The following ZNHIT6 variants were observed in gnomAD, a reference collection of about 807,000 sequenced individuals.
ZNHIT6 encodes box C/D snoRNA protein 1.
A neutral mutation model predicts 57.2 loss-of-function variants in ZNHIT6; 45 were observed. That is an observed-to-expected ratio of 0.79 (90% CI 0.62 to 1.01). The LOEUF is 1.01. Ranked by LOEUF, ZNHIT6 falls within the 50% of genes least tolerant of loss-of-function variation. The pLI is 0.00. For synonymous variants in ZNHIT6, 188 were observed against 190.0 expected, an observed-to-expected ratio of 0.99 and a Z score of 0.09; for missense variants, 528 against 567.3, an observed-to-expected ratio of 0.93 and a Z score of 0.70.
intron 6 of ZNHIT6, among the ~76,000 whole-genome samples, chr1:85,680,597 A>G (rs760622442): frequency 6.6e-6 from 1 of 152,118 alleles, no homozygotes. Context: ...TTTTTCCCCC[A>G]TATTTACAAT....
chr1:85,703,816 C>G (rs1160712157), intron 4 of ZNHIT6, among the ~76,000 whole-genome samples: 2 of 152,210 alleles, frequency 1.3e-5, no homozygotes, highest in South Asian at 4.1e-4. Flanking sequence ...CCATTCACCA[C>G]AAGACACTAT....
intron 5 of ZNHIT6, among the ~76,000 whole-genome samples, chr1:85,686,450 C>T (rs1487508805): frequency 2.0e-5 from 3 of 151,976 alleles, no homozygotes; most frequent in Non-Finnish European, 4.4e-5. Flanking sequence ...AGAAATGTGC[C>T]ACAACTAAGA....
In ZNHIT6 at chr1:85,651,839, T is replaced by TATTC. The variant is rs1660919817; in HGVS notation, c.*2218_*2219insGAAT. 1 of 152,182 alleles carries TATTC rather than the reference T, an allele frequency of 6.6e-6. No homozygotes were observed. The highest frequency in any genetic ancestry group is 1.5e-5 in the Non-Finnish European group (1 of 68,028). 9.4% of individuals were successfully genotyped at this position (152,182 alleles called of 1,614,324 possible). On this transcript the variant is annotated 3_prime_UTR_variant, in exon 10 of 10. Transcript: ENST00000370574. ...TCAATGCTACAAACATCTAGGGTTT[T>TATTC]CAGTTAGTTATTCCAATTTCATTCT...
At chr1:85,676,438 C>T (rs982946353) in intron 8 of ZNHIT6, among the ~76,000 whole-genome samples, 3 of 152,006 alleles carry the variant, frequency 2.0e-5, no homozygotes, top group South Asian at 2.1e-4. Context: ...TTTGCAATCA[C>T]GACTTGACTA....
At chr1:85,702,732 G>C (rs1662572104) in intron 4 of ZNHIT6, among the ~76,000 whole-genome samples, 2 of 152,144 alleles carry the variant, frequency 1.3e-5, no homozygotes. Context: ...AAGAGCCAAG[G>C]CATTGCCTAG....
At chr1:85,694,218 C>T (rs965860527) in intron 5 of ZNHIT6, among the ~76,000 whole-genome samples, 1 of 152,104 alleles carries the variant, frequency 6.6e-6, no homozygotes, top group Non-Finnish European at 1.5e-5. Context: ...CATTTCATTA[C>T]GTGTAAATTT....
At chr1:85,679,865 G>T (rs1423761467) in intron 6 of ZNHIT6, among the ~76,000 whole-genome samples, 1 of 152,206 alleles carries the variant, frequency 6.6e-6, no homozygotes, top group African/African-American at 2.4e-5. Context: ...GATTATAGGT[G>T]TGAGCCGCTG....
At chr1:85,664,807 A>T (rs1190502234) in intron 8 of ZNHIT6, among the ~76,000 whole-genome samples, 1 of 151,850 alleles carries the variant, frequency 6.6e-6, no homozygotes, top group Non-Finnish European at 1.5e-5. Context: ...GTAGATCCTC[A>T]GTAAATATTC....
intron 4 of ZNHIT6, among the ~76,000 whole-genome samples, chr1:85,705,190 T>TA (rs1662648782): frequency 6.6e-6 from 1 of 152,198 alleles, no homozygotes; most frequent in Non-Finnish European, 1.5e-5. Context: ...CATTTGCACT[T>TA]AGAATTAGAA....
In ZNHIT6 at chr1:85,650,934, A is replaced by G. The variant is rs1216105463; in HGVS notation, c.*3124T>C. 2 of 152,194 alleles carry G rather than the reference A, an allele frequency of 1.3e-5. No individual in the cohort carries two copies. The highest frequency in any genetic ancestry group is 1.3e-4 in the Admixed American group (2 of 15,274). 9.4% of individuals were successfully genotyped at this position (152,194 alleles called of 1,614,324 possible). On this transcript the variant is annotated 3_prime_UTR_variant, in exon 10 of 10. Coordinates refer to ENST00000370574, the MANE Select transcript of ZNHIT6 (RefSeq NM_017953.4). ...AGGCTCTGCCTCCCAACACTAGCAC[A>G]TGGGGAATCTAATTTCAACATGAGT... is the stretch of plus-strand genomic sequence containing the variant.
In ZNHIT6 at chr1:85,707,971, G is replaced by C. The variant is rs149206305; in HGVS notation, c.314C>G (p.Pro105Arg). Residue 105 changes from proline to arginine, a missense_variant, in exon 1 of 10, where the codon CCT becomes CGT. Transcript: ENST00000370574. ...GCCTGCGTTCTCATCCTTCACCTCA[G>C]GCCTATCCTCCACCTCCTGTTCTAC... ...QWVEQEVEDR[P>R]EVKDENAGVL... The C allele has an allele frequency of 1.2e-6, 2 of 1,613,816 alleles. No homozygotes were observed. The highest frequency in any genetic ancestry group is 1.7e-6 in the Non-Finnish European group (2 of 1,180,006).
chr1:85,684,893 A>G (rs1661982254), intron 5 of ZNHIT6, among the ~76,000 whole-genome samples: 1 of 152,198 alleles, frequency 6.6e-6, no homozygotes, highest in Non-Finnish European at 1.5e-5. Flanking sequence ...AAAGATGCAA[A>G]TCAAAAGTCA....
intron 5 of ZNHIT6, among the ~76,000 whole-genome samples, chr1:85,683,661 AT>A (rs1266867214): frequency 2.0e-5 from 3 of 152,092 alleles, no homozygotes; most frequent in East Asian, 3.9e-4. Flanking sequence ...CTTGTTTCTC[AT>A]TTTTTTATAA....
In ZNHIT6 at chr1:85,706,210, G is replaced by C. The variant is rs367652543; in HGVS notation, c.829+39C>G. The C allele has an allele frequency of 2.6e-5, 42 of 1,609,386 alleles. No individual in the cohort carries two copies. In the African/African-American group the frequency reaches 5.6e-4, roughly 22 times the overall value. On this transcript the variant is annotated intron_variant, in intron 3 of 9. Transcript: ENST00000370574. ...AATAAACAAGTGACATATACCAATG[G>C]CCAGGAAGCCTCAATTTGCTATGCA...
chr1:85,689,710 C>G (rs1662162937), intron 5 of ZNHIT6, among the ~76,000 whole-genome samples: 1 of 152,104 alleles, frequency 6.6e-6, no homozygotes, highest in East Asian at 1.9e-4. Flanking sequence ...AAGCAGTTCT[C>G]AACTGGGAGG....
chr1:85,677,431 G>A, intron 7 of ZNHIT6, 118 bp from the exon 8 acceptor site: 1 of 678,434 alleles, frequency 1.5e-6, no homozygotes, highest in Non-Finnish European at 2.3e-6. Context: ...TTTAAGCATA[G>A]AAAAGGAGAT....
At chr1:85,684,978 T>C (rs191092648) in intron 5 of ZNHIT6, among the ~76,000 whole-genome samples, 129 of 152,238 alleles carry the variant, frequency 8.5e-4, no homozygotes, top group African/African-American at 2.9e-3. Flanking sequence ...AAGAAATGTA[T>C]ATATAAATAA....
At chr1:85,660,765 T>C (rs1661201350) in intron 8 of ZNHIT6, among the ~76,000 whole-genome samples, 1 of 152,148 alleles carries the variant, frequency 6.6e-6, no homozygotes, top group Non-Finnish European at 1.5e-5. Flanking sequence ...TTGGTTCCTG[T>C]TTTACATGCT....
chr1:85,683,314 C>T (rs1052382868), intron 5 of ZNHIT6, among the ~76,000 whole-genome samples: 11 of 152,130 alleles, frequency 7.2e-5, no homozygotes, highest in African/African-American at 2.4e-4. Context: ...GTCAGGAGAT[C>T]GAGACCATCC....
Sources: gnomAD v4.1 joint callset for allele counts (sites outside exome capture counted in the v4.1 genomes callset) on GRCh38, gnomAD v4.1.1 for gene constraint, MANE v1.5 for transcripts, NCBI Gene and HGNC (gene_info 2026-07-23, HGNC 2026-07-21) for gene names.